USP34: variants seen among roughly 807,000 people sequenced by gnomAD.
USP34 encodes ubiquitin specific peptidase 34.
In USP34, 70 loss-of-function variants were observed where a neutral mutation model predicts 460.3. That is an observed-to-expected ratio of 0.15 (90% CI 0.13 to 0.19). The LOEUF (loss-of-function observed/expected upper bound fraction) is 0.19. Among genes scored for constraint, USP34 ranks in the 10% least tolerant of loss-of-function variants. The pLI, the probability that USP34 is intolerant of heterozygous loss-of-function variation, is 1.00. For missense variants in USP34, 3,985 were observed against 4,236.2 expected (o/e 0.94, Z 1.65); for synonymous variants, 1,647 against 1,405.3 (o/e 1.17, Z -3.85).
chr2:61,468,537 C>T (rs932037153), intron 1 of USP34, among the ~76,000 whole-genome samples: 1 of 152,156 alleles, frequency 6.6e-6, no homozygotes, highest in African/African-American at 2.4e-5. Flanking sequence ...AAGAGTTAAA[C>T]TTTTAAATTG....
chr2:61,257,396 A>T (rs753646072), intron 44 of USP34, 46 bp from the exon 45 acceptor site: 1 of 1,499,686 alleles, frequency 6.7e-7, no homozygotes, highest in Non-Finnish European at 8.9e-7. Context: ...TAAAAATAAG[A>T]AAATTATAGG....
chr2:61,195,080 T>C (rs1169851805), intron 75 of USP34, among the ~76,000 whole-genome samples: 2 of 148,706 alleles, frequency 1.3e-5, no homozygotes, highest in African/African-American at 2.5e-5. Flanking sequence ...ATTGGCTGGG[T>C]GTGGTGGCAC....
chr2:61,401,540 A>ATTTT (rs1156550372), intron 3 of USP34, among the ~76,000 whole-genome samples: 4 of 62,438 alleles, frequency 6.4e-5, no homozygotes, highest in Non-Finnish European at 8.5e-5. Flanking sequence ...ACCTGGCCCT[A>ATTTT]TTTTTTTTTT....
chr2:61,316,747 T>A (rs539052786), intron 23 of USP34, among the ~76,000 whole-genome samples: 1 of 151,372 alleles, frequency 6.6e-6, no homozygotes, highest in East Asian at 1.9e-4. Flanking sequence ...TAGTCAGGCA[T>A]GGTGGTGCAC....
chr2:61,306,097 T>C (rs982088424), intron 27 of USP34, among the ~76,000 whole-genome samples: 7 of 107,928 alleles, frequency 6.5e-5, no homozygotes, highest in South Asian at 9.6e-4. Flanking sequence ...CCCATTTGTC[T>C]ATTTTGGCTT....
chr2:61,435,995 T>A (rs1274045882), intron 1 of USP34, among the ~76,000 whole-genome samples: 1 of 151,456 alleles, frequency 6.6e-6, no homozygotes, highest in Admixed American at 6.6e-5. Flanking sequence ...CCCATTGCAC[T>A]CCAGCTTGGG....
At chr2:61,203,059 C>G (rs1213196449) in intron 75 of USP34, 81 bp downstream of exon 75, 2 of 1,319,836 alleles carry the variant, frequency 1.5e-6, no homozygotes, top group South Asian at 2.2e-5. Flanking sequence ...AAAGGATTGT[C>G]TCATAATTTT....
Position 61,248,655 on chromosome 2 carries a change from A to G in USP34, c.6250T>C (p.Leu2084=). 2 of 1,571,540 alleles carry G rather than the reference A, an allele frequency of 1.3e-6. No homozygotes were observed. The highest frequency in any genetic ancestry group is 1.7e-6 in the Non-Finnish European group (2 of 1,155,064). Residue 2084 remains leucine (L), a synonymous_variant, in exon 49 of 80, where the codon TTG becomes CTG. Coordinates refer to ENST00000398571, the MANE Select transcript of USP34 (RefSeq NM_014709.4). ...RACFKKLPRI[L]SFNTMRYTFN... ...GTGTATCTCATAGTATTGAAACTCAAAATGCGAGGCAATTTCTTAAAACAT... is the reference window on the plus strand; with the variant it reads ...GTGTATCTCATAGTATTGAAACTCAGAATGCGAGGCAATTTCTTAAAACAT...
intron 3 of USP34, among the ~76,000 whole-genome samples, chr2:61,403,344 T>C (rs1693776125): frequency 2.0e-5 from 3 of 152,136 alleles, no homozygotes; most frequent in Admixed American, 2.0e-4. Flanking sequence ...ACTTATATAG[T>C]TCTATATCAT....
intron 8 of USP34, among the ~76,000 whole-genome samples, chr2:61,375,968 G>A (rs931697104): frequency 5.3e-5 from 8 of 151,964 alleles, no homozygotes; most frequent in African/African-American, 1.9e-4. Flanking sequence ...AGAAGAAAAT[G>A]ACTACTATCA....
chr2:61,454,234 C>T (rs1695366597), intron 1 of USP34, among the ~76,000 whole-genome samples: 1 of 152,084 alleles, frequency 6.6e-6, no homozygotes, highest in Admixed American at 6.6e-5. Flanking sequence ...AAGTGATTCT[C>T]CTGCCTCTGC....
rs756942924 is a variant in USP34 at position 61,190,383 on chromosome 2, C to T, written c.9761G>A (p.Cys3254Tyr). 7 of 1,610,288 alleles carry T rather than the reference C, an allele frequency of 4.3e-6. No homozygotes were observed. In the African/African-American group the frequency reaches 5.4e-5, roughly 12 times the overall value. The change falls in exon 78 of 80, where the codon TGT (cysteine) becomes TAT (tyrosine). Residue 3254 changes from cysteine to tyrosine, a missense_variant. Coordinates refer to ENST00000398571, the MANE Select transcript of USP34 (RefSeq NM_014709.4). ...AATAAGAGTGCTGATCAAATTGGCA[C>T]AGTTTGCTTCAGAAAACACTTGACT... ...VQSQVFSEAN[C>Y]ANLISTLITN... is the part of the protein sequence containing the mutation.
intron 2 of USP34, among the ~76,000 whole-genome samples, chr2:61,420,458 C>A (rs1033902889): frequency 6.6e-6 from 1 of 152,050 alleles, no homozygotes. Flanking sequence ...TTTAGCTATA[C>A]CATAAAAATT....
intron 1 of USP34, among the ~76,000 whole-genome samples, chr2:61,426,380 G>C (rs1694511593): frequency 6.6e-6 from 1 of 152,254 alleles, no homozygotes; most frequent in Admixed American, 6.5e-5. Context: ...CCTGAAGGGT[G>C]AGTCCCAGGT....
Position 61,319,223 on chromosome 2 carries a change from C to A in USP34, c.3118G>T (p.Asp1040Tyr). ...GTTTCCATACCCATAGCATGTTGAT[C>A]TTTACTTCGAACTTGATTTAAAAAC... Reference protein sequence around the residue: ...HWFLNQVRSKDQHAMGMETYK... With the variant: ...HWFLNQVRSKYQHAMGMETYK... Residue 1040 changes from aspartate (D) to tyrosine (Y), a missense_variant, in exon 22 of 80, where the codon GAT becomes TAT. Physicochemically the swap from Asp to Tyr is radical, Grantham distance 160 (BLOSUM62 -3). Transcript: ENST00000398571. 1 of 1,591,906 alleles carries A rather than the reference C, an allele frequency of 6.3e-7. No individual in the cohort carries two copies. The highest frequency in any genetic ancestry group is 8.5e-7 in the Non-Finnish European group (1 of 1,173,448).
chr2:61,272,101 C>G (rs962358061), intron 41 of USP34, among the ~76,000 whole-genome samples: 3 of 152,160 alleles, frequency 2.0e-5, no homozygotes, highest in Non-Finnish European at 2.9e-5. Context: ...CCCTCAGCTT[C>G]TCAGGCTTAA....
chr2:61,336,733 CCGGGAGGCAGAGG>C (rs1445511904), intron 18 of USP34, among the ~76,000 whole-genome samples: 1 of 148,584 alleles, frequency 6.7e-6, no homozygotes, highest in Non-Finnish European at 1.5e-5. Context: ...TCACTTGAAC[CCGGGAGGCAGAGG>C]CTGTCGTCAG....
intron 3 of USP34, among the ~76,000 whole-genome samples, chr2:61,399,787 C>T (rs1347436455): frequency 6.9e-6 from 1 of 144,640 alleles, no homozygotes; most frequent in East Asian, 2.2e-4. Flanking sequence ...GCCGGTGAAT[C>T]GCTTGAACCT....
intron 38 of USP34, among the ~76,000 whole-genome samples, 178 bp downstream of exon 38, chr2:61,280,912 C>T (rs1433073160): frequency 6.6e-6 from 1 of 152,128 alleles, no homozygotes; most frequent in African/African-American, 2.4e-5. Flanking sequence ...CTAGTAGTAA[C>T]ATGGACACAA....
Sources: allele counts gnomAD v4.1 joint callset (sites outside exome capture counted in the v4.1 genomes callset), GRCh38; gene constraint gnomAD v4.1.1; transcripts MANE v1.5; gene names NCBI Gene and HGNC (gene_info 2026-07-23, HGNC 2026-07-21).